Variants in SLC7A1 observed in about 807,000 individuals in gnomAD.
SLC7A1 encodes solute carrier family 7 member 1, also known as high affinity cationic amino acid transporter 1.
Under a neutral mutation model 53.9 loss-of-function variants are expected in SLC7A1, and 10 were observed. That is an observed-to-expected ratio of 0.19 (90% confidence interval 0.11 to 0.31). SLC7A1 has a LOEUF of 0.31. Ranked by LOEUF, SLC7A1 falls within the 10% of genes least tolerant of loss-of-function variation. The probability of loss-of-function intolerance (pLI) is 1.00; values close to 1 mark genes in which losing one functional copy is unlikely to be tolerated. For missense variants in SLC7A1, 525 were observed against 827.2 expected, an observed-to-expected ratio of 0.63 and a Z score of 4.48; for synonymous variants, 342 against 338.7, an observed-to-expected ratio of 1.01 and a Z score of -0.11.
At chr13:29,553,021 C>G (rs560721038) in intron 2 of SLC7A1, among the ~76,000 whole-genome samples, 1 of 151,978 alleles carries the variant, frequency 6.6e-6, no homozygotes, top group African/African-American at 2.4e-5. Flanking sequence ...CAGCCTTGAC[C>G]GCCCCCCTGC....
chr13:29,549,165 A>C (rs1870061317), intron 2 of SLC7A1, among the ~76,000 whole-genome samples: 1 of 152,232 alleles, frequency 6.6e-6, no homozygotes, highest in Admixed American at 6.5e-5. Flanking sequence ...TCTATCAGAG[A>C]GGAGAATGCA....
At chr13:29,555,860 AT>A (rs2139139802) in intron 1 of SLC7A1, among the ~76,000 whole-genome samples, 1 of 152,346 alleles carries the variant, frequency 6.6e-6, no homozygotes, top group Admixed American at 6.5e-5. Flanking sequence ...TATTTTAAAA[AT>A]ATATGATGAA....
At chr13:29,570,657 G>A (rs1217645189) in intron 1 of SLC7A1, among the ~76,000 whole-genome samples, 1 of 152,176 alleles carries the variant, frequency 6.6e-6, no homozygotes, top group East Asian at 1.9e-4. Context: ...TTGGAGACCA[G>A]CCTGGGCAAC....
chr13:29,538,151 C>G (rs1179821996), intron 2 of SLC7A1, among the ~76,000 whole-genome samples: 1 of 152,188 alleles, frequency 6.6e-6, no homozygotes, highest in African/African-American at 2.4e-5. Flanking sequence ...CCCTTTGTTA[C>G]ATAGATGGGG....
At chr13:29,520,038 C>CCA (rs1868560321) in intron 8 of SLC7A1, among the ~76,000 whole-genome samples, 1 of 152,094 alleles carries the variant, frequency 6.6e-6, no homozygotes, top group African/African-American at 2.4e-5. Context: ...ATCAATCCAT[C>CCA]TGTCCACCTA....
chr13:29,523,354 T>C lies in SLC7A1; in HGVS notation c.961A>G (p.Ser321Gly). ...MMPYFCLDNNSPLPDAFKHVG... is the reference protein window; with the variant it reads ...MMPYFCLDNNGPLPDAFKHVG... ...TGCTTAAAGGCGTCGGGCAGGGGGCTGTTATTGTCCAGGCAGAAGTAGGGC... is the reference window on the plus strand; with the variant it reads ...TGCTTAAAGGCGTCGGGCAGGGGGCCGTTATTGTCCAGGCAGAAGTAGGGC... The change falls in exon 7 of 13, where the codon AGC (serine) becomes GGC (glycine). Residue 321 changes from serine (S) to glycine (G), a missense_variant. Physicochemically the swap from Ser to Gly is moderately conservative, Grantham distance 56. This residue lies in a region of SLC7A1 where 354 missense variants were observed against 587.5 expected (regional missense o/e 0.60). Transcript: ENST00000380752. 1 of 1,613,726 alleles carries C rather than the reference T, an allele frequency of 6.2e-7. No individual in the cohort carries two copies. The highest frequency in any genetic ancestry group is 1.1e-5 in the South Asian group (1 of 91,074).
chr13:29,542,170 C>A (rs1016929137), intron 2 of SLC7A1, among the ~76,000 whole-genome samples: 1 of 152,152 alleles, frequency 6.6e-6, no homozygotes, highest in African/African-American at 2.4e-5. Flanking sequence ...ACTACATGAA[C>A]TCGGCCAGGC....
intron 1 of SLC7A1, among the ~76,000 whole-genome samples, chr13:29,577,234 G>A (rs1247478100): frequency 6.6e-6 from 1 of 152,168 alleles, no homozygotes; most frequent in Non-Finnish European, 1.5e-5. Flanking sequence ...TGGTGAAGAC[G>A]TCTGGGGCTT....
At chr13:29,560,868 A>G (rs958482601) in intron 1 of SLC7A1, among the ~76,000 whole-genome samples, 1 of 152,230 alleles carries the variant, frequency 6.6e-6, no homozygotes, top group African/African-American at 2.4e-5. Context: ...TAACCCCAAA[A>G]TATCAGAAAA....
chr13:29,555,084 C>T (rs552246507), intron 1 of SLC7A1, among the ~76,000 whole-genome samples: 12 of 152,056 alleles, frequency 7.9e-5, no homozygotes, highest in African/African-American at 2.9e-4. Context: ...GTGGGCCGGG[C>T]GCGGTGGCTC....
intron 1 of SLC7A1, among the ~76,000 whole-genome samples, chr13:29,585,530 T>C (rs1329831061): frequency 2.0e-5 from 3 of 152,172 alleles, no homozygotes; most frequent in African/African-American, 4.8e-5. Context: ...ACAATGTAAA[T>C]TTAGTTCTTA....
chr13:29,579,348 A>G (rs951185747), intron 1 of SLC7A1, among the ~76,000 whole-genome samples: 2 of 150,168 alleles, frequency 1.3e-5, no homozygotes, highest in African/African-American at 4.9e-5. Context: ...ATGAATGGAT[A>G]AGCATCCACT....
At chr13:29,580,465 C>T (rs1871597833) in intron 1 of SLC7A1, among the ~76,000 whole-genome samples, 2 of 151,990 alleles carry the variant, frequency 1.3e-5, no homozygotes, top group Non-Finnish European at 2.9e-5. Context: ...TCTTCATGCC[C>T]AGACAATACA....
intron 5 of SLC7A1, among the ~76,000 whole-genome samples, chr13:29,528,140 G>A (rs1315683691): frequency 1.3e-5 from 2 of 152,258 alleles, no homozygotes; most frequent in Non-Finnish European, 2.9e-5. Flanking sequence ...CTGGCTGGGT[G>A]AAGCGACAAG....
chr13:29,589,677 C>T (rs927660130), intron 1 of SLC7A1, among the ~76,000 whole-genome samples: 2 of 152,196 alleles, frequency 1.3e-5, no homozygotes, highest in Non-Finnish European at 2.9e-5. Flanking sequence ...CTGGACTCAG[C>T]CAGAAACAGA....
At chr13:29,517,397 G>T in intron 10 of SLC7A1, 87 bp from the exon 11 acceptor site, 1 of 1,412,268 alleles carries the variant, frequency 7.1e-7, no homozygotes, top group Non-Finnish European at 9.7e-7. Context: ...TAAACTTGTG[G>T]AGAGAGAGGC....
Position 29,540,178 on chromosome 13 carries a change from C to T in SLC7A1, c.-14-3976G>A, listed in dbSNP as rs141626740. The stretch of plus-strand genomic sequence containing the variant: ...GCAAAGTCAGGTTGGTAGAGACTTC[C>T]TGCTGTTGGGGTTTACACAGAAAGT... On this transcript the variant is annotated intron_variant, in intron 2 of 12. Coordinates refer to ENST00000380752, the MANE Select transcript of SLC7A1 (RefSeq NM_003045.5). 3.2e-3 allele frequency among the ~76,000 whole-genome samples: 486 copies of T among 152,314 alleles called. 5 individuals carry two copies. Among genetic ancestry groups the T allele is most frequent in the African/African-American group, 0.011 (467 of 41,564 alleles).
intron 1 of SLC7A1, among the ~76,000 whole-genome samples, chr13:29,585,579 C>T (rs1489190177): frequency 2.6e-5 from 4 of 152,136 alleles, no homozygotes; most frequent in Admixed American, 2.0e-4. Flanking sequence ...AGCCGCCATC[C>T]TCGGGAACAC....
Position 29,514,545 on chromosome 13 carries a change from C to G in SLC7A1, c.1825G>C (p.Glu609Gln), listed in dbSNP as rs1445256883. The stretch of plus-strand genomic sequence containing the variant: ...TGGTCGGCATCCAGGGACGCCTCCT[C>G]GCTGTGCCACAGGCCATAGCCAAAG... ...IYFGYGLWHS[E>Q]EASLDADQAR... The change falls in exon 13 of 13, where the codon GAG becomes CAG. Residue 609 changes from glutamate to glutamine, a missense_variant. Coordinates refer to ENST00000380752, the MANE Select transcript of SLC7A1 (RefSeq NM_003045.5). The G allele has an allele frequency of 1.2e-6, 2 of 1,611,050 alleles. No homozygotes were observed. Among genetic ancestry groups the G allele is most frequent in the Non-Finnish European group, 1.7e-6 (2 of 1,179,760 alleles).
Sources: gnomAD v4.1 joint callset for allele counts (sites outside exome capture counted in the v4.1 genomes callset) on GRCh38, gnomAD v4.1.1 for gene constraint, gnomAD v4.1.1 regional missense constraint, MANE v1.5 for transcripts, NCBI Gene and HGNC (gene_info 2026-07-23, HGNC 2026-07-21) for gene names.